The following TAOK3 variants were observed in gnomAD, a reference collection of about 807,000 sequenced individuals.
TAOK3 encodes the protein serine/threonine-protein kinase TAO3.
In TAOK3, 40 loss-of-function variants were observed where a neutral mutation model predicts 120.4. The observed-to-expected ratio is 0.33, with a 90% CI of 0.26 to 0.43. TAOK3 has a LOEUF of 0.43. TAOK3 is among the 20% of genes least tolerant of loss of function. The pLI is 1.00. For synonymous variants in TAOK3, 355 were observed against 387.5 expected (o/e 0.92, Z 0.99); for missense variants, 821 against 1,112.1 (o/e 0.74, Z 3.72).
Position 118,172,445 on chromosome 12 carries a change from C to A in TAOK3, c.1899+12G>T, listed in dbSNP as rs766248092. The A allele has an allele frequency of 6.2e-7, 1 of 1,613,550 alleles. No homozygotes were observed. Among genetic ancestry groups the A allele is most frequent in the African/African-American group, 1.3e-5 (1 of 74,920 alleles). The stretch of plus-strand genomic sequence containing the variant: ...CTATGTCAATGACAATAGTTACGAG[C>A]GTAATAAATACCTCCCGAATGTTCT... On this transcript the variant is annotated intron_variant, in intron 17 of 20. Coordinates refer to ENST00000392533, the MANE Select transcript of TAOK3 (RefSeq NM_016281.4).
At chr12:118,316,383 G>C (rs752931554) in intron 1 of TAOK3, among the ~76,000 whole-genome samples, 7 of 152,058 alleles carry the variant, frequency 4.6e-5, no homozygotes, top group Non-Finnish European at 1.0e-4. Context: ...ATTCATAAAA[G>C]ATAGGATGGT....
At chr12:118,277,843 T>C (rs1341732536) in intron 1 of TAOK3, among the ~76,000 whole-genome samples, 2 of 152,164 alleles carry the variant, frequency 1.3e-5, no homozygotes, top group Non-Finnish European at 2.9e-5. Context: ...CCTATTTTCA[T>C]ATCTTTAAGT....
intron 1 of TAOK3, among the ~76,000 whole-genome samples, chr12:118,289,688 TA>T (rs1379460809): frequency 6.6e-6 from 1 of 152,098 alleles, no homozygotes; most frequent in Admixed American, 6.6e-5. Context: ...AAGATTTATT[TA>T]AAATTTAGAA....
chr12:118,351,935 G>A (rs957411246), intron 1 of TAOK3, among the ~76,000 whole-genome samples: 7 of 134,860 alleles, frequency 5.2e-5, no homozygotes, highest in Non-Finnish European at 7.6e-5. Context: ...CTGCAGTGGC[G>A]CTATCTTGGC....
Position 118,239,231 on chromosome 12 carries a change from TA to T in TAOK3, c.335del (p.Leu112Ter). ...GTTTAATTCCTTCTTTCTTACCTTC[TA>T]ATAAATCAGAGGCTGAGCCTAAGCA... ...EYCLGSASDLLEVHKKPLQEV... is the reference protein window; with the variant it reads ...EYCLGSASDLXEVHKKPLQEV... On this transcript the variant is annotated frameshift_variant, in exon 6 of 21. Coordinates refer to ENST00000392533, the MANE Select transcript of TAOK3 (RefSeq NM_016281.4). LOFTEE classifies it high-confidence loss of function. The T allele has an allele frequency of 1.3e-6, 2 of 1,535,342 alleles. No individual in the cohort carries two copies. Among genetic ancestry groups the T allele is most frequent in the Non-Finnish European group, 1.8e-6 (2 of 1,109,056 alleles).
chr12:118,181,351 G>A lies in TAOK3; in HGVS notation c.1566+20C>T, dbSNP rs756581407. On this transcript the variant is annotated intron_variant, in intron 15 of 20. Coordinates refer to ENST00000392533, the MANE Select transcript of TAOK3 (RefSeq NM_016281.4). ...GGCTGGGCTTGGTTGTGGCATGAAG[G>A]CGTGTGTGCACATACTGACCTCCTT... is the stretch of plus-strand genomic sequence containing the variant. 1.9e-6 allele frequency: 3 copies of A among 1,584,086 alleles called. No homozygotes were observed. Among genetic ancestry groups the A allele is most frequent in the African/African-American group, 2.7e-5 (2 of 74,418 alleles).
chr12:118,243,135 T>A (rs1387735547), intron 5 of TAOK3, among the ~76,000 whole-genome samples: 1 of 152,084 alleles, frequency 6.6e-6, no homozygotes, highest in Non-Finnish European at 1.5e-5. Context: ...AGGCTGTGCC[T>A]TTTACTTTTA....
intron 2 of TAOK3, among the ~76,000 whole-genome samples, chr12:118,262,548 C>T (rs976379695): frequency 5.9e-5 from 9 of 151,710 alleles, no homozygotes; most frequent in South Asian, 4.2e-4. Flanking sequence ...GAAATATGGC[C>T]GGGTGCGGTG....
In TAOK3 at chr12:118,235,667, T is replaced by C. The variant is rs1247348528; in HGVS notation, c.442A>G (p.Ile148Val). The part of the protein sequence containing the change: ...LHSHALIHRD[I>V]KAGNILLTEP... ...GTTAGAAGAATATTTCCTGCTTTAA[T>C]ATCCCTATAGGAAAAAAAAAAAGGG... Residue 148 changes from isoleucine to valine, a missense_variant, in exon 8 of 21, where the codon ATT becomes GTT. By Grantham distance (29) the Ile-to-Val change is conservative (BLOSUM62 3). This residue lies in a region of TAOK3 where 467 missense variants were observed against 540.0 expected (regional missense o/e 0.86). Coordinates refer to ENST00000392533, the MANE Select transcript of TAOK3 (RefSeq NM_016281.4). 1 of 1,595,300 alleles carries C rather than the reference T, an allele frequency of 6.3e-7. No individual in the cohort carries two copies. Among genetic ancestry groups the C allele is most frequent in the African/African-American group, 1.4e-5 (1 of 72,570 alleles).
intron 11 of TAOK3, among the ~76,000 whole-genome samples, chr12:118,209,344 G>A (rs867662021): frequency 2.0e-5 from 3 of 152,170 alleles, no homozygotes; most frequent in Admixed American, 2.0e-4. Context: ...TACAAAATAG[G>A]TGCAGTGGTT....
At chr12:118,190,947 A>G (rs2037401420) in intron 13 of TAOK3, among the ~76,000 whole-genome samples, 1 of 152,194 alleles carries the variant, frequency 6.6e-6, no homozygotes, top group Admixed American at 6.5e-5. Flanking sequence ...AACATGTACA[A>G]CCATGGGGGA....
chr12:118,210,621 G>A (rs2038573125), intron 11 of TAOK3, among the ~76,000 whole-genome samples: 1 of 151,972 alleles, frequency 6.6e-6, no homozygotes, highest in Non-Finnish European at 1.5e-5. Context: ...TCCTCGAACG[G>A]CCTTCTCCTT....
At chr12:118,345,139 T>A (rs556224499) in intron 1 of TAOK3, among the ~76,000 whole-genome samples, 20 of 152,326 alleles carry the variant, frequency 1.3e-4, no homozygotes, top group Middle Eastern at 6.8e-3. Context: ...TTATATTTAG[T>A]GTAGTGACAT....
At chr12:118,291,134 G>C (rs996929896) in intron 1 of TAOK3, among the ~76,000 whole-genome samples, 6 of 151,614 alleles carry the variant, frequency 4.0e-5, no homozygotes, top group African/African-American at 1.5e-4. Flanking sequence ...GGGATTACAG[G>C]AGTGAGCCAC....
intron 1 of TAOK3, among the ~76,000 whole-genome samples, chr12:118,339,415 C>T (rs1004381656): frequency 4.0e-5 from 6 of 150,406 alleles, no homozygotes; most frequent in Non-Finnish European, 1.5e-5. Flanking sequence ...CTCAATTTTC[C>T]GGAAAACTCA....
intron 1 of TAOK3, among the ~76,000 whole-genome samples, chr12:118,361,078 C>G (rs778875858): frequency 5.3e-5 from 8 of 152,212 alleles, no homozygotes; most frequent in Non-Finnish European, 7.3e-5. Flanking sequence ...AAATTAACAT[C>G]AGAAGCTTGA....
intron 1 of TAOK3, among the ~76,000 whole-genome samples, chr12:118,350,870 A>G (rs2045114238): frequency 6.8e-6 from 1 of 148,068 alleles, no homozygotes; most frequent in African/African-American, 2.5e-5. Context: ...CAAAAAAAAA[A>G]AAAAGAAAAG....
intron 1 of TAOK3, among the ~76,000 whole-genome samples, chr12:118,310,254 A>G: frequency 6.6e-6 from 1 of 152,234 alleles, no homozygotes. Flanking sequence ...ACTGCACTCA[A>G]CCTCTACAAC....
At chr12:118,315,050 C>A (rs1202814297) in intron 1 of TAOK3, among the ~76,000 whole-genome samples, 1 of 152,086 alleles carries the variant, frequency 6.6e-6, no homozygotes, top group African/African-American at 2.4e-5. Context: ...CCTGTCTCAG[C>A]CTCCCGACTA....
Sources: allele counts gnomAD v4.1 joint callset (sites outside exome capture counted in the v4.1 genomes callset), GRCh38; gene constraint gnomAD v4.1.1; regional missense constraint gnomAD v4.1.1; transcripts MANE v1.5; gene names NCBI Gene and HGNC (gene_info 2026-07-23, HGNC 2026-07-21).